Variants in COL1A2 observed in about 807,000 individuals in gnomAD.
COL1A2 encodes collagen type I alpha 2 chain, also known as collagen alpha-2(I) chain.
Under a neutral mutation model 174.3 loss-of-function variants are expected in COL1A2, and 49 were observed. The ratio of observed to expected loss-of-function variants is 0.28; its 90% CI spans 0.22 to 0.36. COL1A2 has a LOEUF of 0.36. COL1A2 is among the 10% of genes least tolerant of loss of function. The pLI is 1.00. For missense variants in COL1A2, 1,438 were observed against 1,822.7 expected, an observed-to-expected ratio of 0.79 and a Z score of 3.84; for synonymous variants, 655 against 606.6, an observed-to-expected ratio of 1.08 and a Z score of -1.17.
intron 40 of COL1A2, 128 bp from the exon 41 acceptor site, chr7:94,424,208 T>C (rs1379080994): frequency 1.3e-6 from 1 of 745,914 alleles, no homozygotes; most frequent in Non-Finnish European, 2.4e-6. Flanking sequence ...TCCAAGGATA[T>C]GTCCTAGTAA....
chr7:94,411,943 T>C, intron 23 of COL1A2, 125 bp from the exon 24 acceptor site: 1 of 755,504 alleles, frequency 1.3e-6, no homozygotes, highest in Non-Finnish European at 2.3e-6. Flanking sequence ...ATATTCCTAA[T>C]GATTTACCCT....
At chr7:94,416,994 T>C (rs998142955) in intron 31 of COL1A2, among the ~76,000 whole-genome samples, 4 of 152,178 alleles carry the variant, frequency 2.6e-5, no homozygotes, top group African/African-American at 4.8e-5. Flanking sequence ...TGGTTTAGAT[T>C]TTAAAATAGA....
chr7:94,415,322 G>A (rs375071912), intron 30 of COL1A2, 52 bp downstream of exon 30: 5 of 1,529,330 alleles, frequency 3.3e-6, no homozygotes, highest in Non-Finnish European at 4.5e-6. Flanking sequence ...GTTTTTAAAA[G>A]TAGTAGTGCT....
chr7:94,398,373 C>A lies in COL1A2; in HGVS notation c.82-9C>A. Reference sequence around the variant, plus strand: ...TCTTCATAATAATCTTTGATTTATTCTTTTCTAGGAAACTGTAAGAAAGGT... The same window carrying A: ...TCTTCATAATAATCTTTGATTTATTATTTTCTAGGAAACTGTAAGAAAGGT... On this transcript the variant is annotated splice_polypyrimidine_tract_variant and intron_variant, in intron 2 of 51. Coordinates refer to ENST00000297268, the MANE Select transcript of COL1A2 (RefSeq NM_000089.4). 1.1e-6 allele frequency: 1 copy of A among 907,080 alleles called. No individual in the cohort carries two copies. The highest frequency in any genetic ancestry group is 1.6e-6 in the Non-Finnish European group (1 of 617,880). The allele number at this position is 907,080 out of a possible 1,614,324, so 56.2% of individuals were successfully genotyped here.
intron 10 of COL1A2, 51 bp downstream of exon 10, chr7:94,405,303 TA>T (rs1791773277): frequency 6.5e-7 from 1 of 1,540,474 alleles, no homozygotes; most frequent in South Asian, 1.1e-5. Context: ...GCCTATAAGA[TA>T]GTTGCTAAAA....
At chr7:94,399,429 A>G (rs1163904423) in intron 4 of COL1A2, among the ~76,000 whole-genome samples, 1 of 152,190 alleles carries the variant, frequency 6.6e-6, no homozygotes, top group Non-Finnish European at 1.5e-5. Context: ...TTTTGAACTA[A>G]GATCCCTTAG....
intron 41 of COL1A2, chr7:94,424,825 ATC>A (rs2115948225): frequency 4.1e-6 from 2 of 485,858 alleles, no homozygotes; most frequent in Admixed American, 6.6e-5. Context: ...AAACCATCTC[ATC>A]TCCATAAAAT....
At position 94,413,063 on chromosome 7, in the gene COL1A2, G is replaced by C; in HGVS notation, c.1504-20G>C. On this transcript the variant is annotated intron_variant, in intron 25 of 51. Transcript: ENST00000297268. ...AATGTGCAAAGCTGTTCTTTGTTTT[G>C]TTTTTCATTTTTACTCTAGGGTGAT... 6.2e-7 allele frequency: 1 copy of C among 1,613,346 alleles called. No homozygotes were observed. The highest frequency in any genetic ancestry group is 1.1e-5 in the South Asian group (1 of 91,068).
At chr7:94,403,290 CAT>C (rs1223367765) in intron 6 of COL1A2, among the ~76,000 whole-genome samples, 1 of 152,110 alleles carries the variant, frequency 6.6e-6, no homozygotes, top group Non-Finnish European at 1.5e-5. Flanking sequence ...CATGCACAGA[CAT>C]ATGTAATCAA....
At chr7:94,401,265 G>C (rs1480056196) in intron 5 of COL1A2, among the ~76,000 whole-genome samples, 2 of 152,064 alleles carry the variant, frequency 1.3e-5, no homozygotes, top group Non-Finnish European at 2.9e-5. Context: ...CCCTTCCTCA[G>C]AGTAGAGGTA....
At chr7:94,416,384 T>G (rs772711882) in intron 30 of COL1A2, 21 bp from the exon 31 acceptor site, 2 of 1,547,996 alleles carry the variant, frequency 1.3e-6, no homozygotes, top group South Asian at 2.4e-5. Flanking sequence ...GTGCAACACT[T>G]CTTCTAATCA....
In COL1A2 at chr7:94,397,741, TC is replaced by T; in HGVS notation, c.71-6del. The T allele has an allele frequency of 7.7e-7, 1 of 1,302,348 alleles. No individual in the cohort carries two copies. The highest frequency in any genetic ancestry group is 1.2e-5 in the South Asian group (1 of 81,314). The allele number at this position is 1,302,348 out of a possible 1,614,324, so 80.7% of individuals were successfully genotyped here. ...TGTTTCCTACTTTTTCTTTTTTTTT[TC>T]TACAGCTTTACAAGAGGTGAGTAAA... On this transcript the variant is annotated splice_polypyrimidine_tract_variant and splice_region_variant and intron_variant, in intron 1 of 51. Coordinates refer to ENST00000297268, the MANE Select transcript of COL1A2 (RefSeq NM_000089.4).
At position 94,428,450 on chromosome 7, in the gene COL1A2, A is replaced by G; in HGVS notation, c.3684A>G (p.Leu1228=). The G allele has an allele frequency of 6.2e-7, 1 of 1,614,118 alleles. No homozygotes were observed. Among genetic ancestry groups the G allele is most frequent in the South Asian group, 1.1e-5 (1 of 91,086 alleles). The change falls in exon 50 of 52, where the codon CTA becomes CTG. Residue 1228 remains leucine, a synonymous_variant. Coordinates refer to ENST00000297268, the MANE Select transcript of COL1A2 (RefSeq NM_000089.4). Reference sequence around the variant, plus strand: ...CCAAGGACAAGAAACACGTCTGGCTAGGAGAAACTATCAATGCTGGCAGCC... The same window carrying G: ...CCAAGGACAAGAAACACGTCTGGCTGGGAGAAACTATCAATGCTGGCAGCC... The part of the protein sequence containing the change: ...RSSKDKKHVW[L]GETINAGSQF...
At position 94,419,571 on chromosome 7, in the gene COL1A2, A is replaced by C; in HGVS notation, c.2079+20A>C. ...GACCGGGTAAGCATGCATTTTCACT[A>C]AGCCAACAGCAATATCTAAAATTTC... On this transcript the variant is annotated intron_variant, in intron 34 of 51. Transcript: ENST00000297268. 1 of 1,614,044 alleles carries C rather than the reference A, an allele frequency of 6.2e-7. No individual in the cohort carries two copies. Among genetic ancestry groups the C allele is most frequent in the Non-Finnish European group, 8.5e-7 (1 of 1,179,954 alleles).
rs1792355337 is a variant in COL1A2, at chr7:94,429,435, GTAA to G, written c.3954+8_3954+10del. ...GTTCTTGTAGATGGCTGCTCTGTAA[GTAA>G]TAGTGAAATATGGGAATAGCTTTGG... On this transcript the variant is annotated splice_donor_region_variant and intron_variant, in intron 51 of 51. Transcript: ENST00000297268. 9.3e-6 allele frequency: 15 copies of G among 1,613,866 alleles called. No individual in the cohort carries two copies. The highest frequency in any genetic ancestry group is 1.2e-5 in the Non-Finnish European group (14 of 1,179,958).
chr7:94,417,449 C>G (rs905864456), intron 31 of COL1A2: 4 of 466,156 alleles, frequency 8.6e-6, no homozygotes, highest in Non-Finnish European at 1.6e-5. Flanking sequence ...GTCCTATCCT[C>G]TTCTCCATGC....
rs962517122 is a variant in COL1A2, at chr7:94,425,502, G to A, written c.2782-108G>A. The A allele has an allele frequency of 8.0e-5, 92 of 1,151,834 alleles. No homozygotes were observed. The Middle Eastern group carries it at 9.3e-4, about 12-fold the overall frequency. 71.4% of individuals were successfully genotyped at this position (1,151,834 alleles called of 1,614,324 possible). A position where few individuals can be genotyped will look rare whatever the true frequency, so the allele number is the denominator to read the frequency against. ...CCCTAGTTTTAACAGTCTGAAAGAGGGTTCGTTACTGAGCACTGGAAGTGA... is the reference window on the plus strand; with the variant it reads ...CCCTAGTTTTAACAGTCTGAAAGAGAGTTCGTTACTGAGCACTGGAAGTGA... On this transcript the variant is annotated intron_variant, in intron 42 of 51. Coordinates refer to ENST00000297268, the MANE Select transcript of COL1A2 (RefSeq NM_000089.4).
intron 3 of COL1A2, among the ~76,000 whole-genome samples, chr7:94,398,762 T>A (rs1584312585): frequency 6.6e-6 from 1 of 152,082 alleles, no homozygotes; most frequent in South Asian, 2.1e-4. Context: ...AACAAAATGA[T>A]CATTTAATCT....
In COL1A2 at chr7:94,430,505, C is replaced by A; in HGVS notation, c.*112C>A. 3 of 1,130,338 alleles carry A rather than the reference C, an allele frequency of 2.7e-6. No homozygotes were observed. Among genetic ancestry groups the A allele is most frequent in the East Asian group, 2.4e-5 (1 of 41,470 alleles). The allele number at this position is 1,130,338 out of a possible 1,614,324, so 70.0% of individuals were successfully genotyped here. A position where few individuals can be genotyped will look rare whatever the true frequency, so the allele number is the denominator to read the frequency against. ...GAATCCTTCCATTTCTTCTGCACAT[C>A]TACTTGCTTAAATTGTGGGCAAAAG... On this transcript the variant is annotated 3_prime_UTR_variant, in exon 52 of 52. Transcript: ENST00000297268.
Sources: allele counts gnomAD v4.1 joint callset (sites outside exome capture counted in the v4.1 genomes callset), GRCh38; gene constraint gnomAD v4.1.1; transcripts MANE v1.5; gene names NCBI Gene and HGNC (gene_info 2026-07-23, HGNC 2026-07-21).